The following C8orf34 variants were observed in gnomAD, a reference collection of about 807,000 sequenced individuals.
C8orf34 encodes chromosome 8 open reading frame 34, also known as uncharacterized protein C8orf34.
C8orf34 carries 65 observed loss-of-function variants against 68.3 expected under a neutral mutation model. The observed-to-expected ratio is 0.95, with a 90% CI of 0.78 to 1.17. The LOEUF (loss-of-function observed/expected upper bound fraction) is 1.17. Among genes scored for constraint, C8orf34 ranks in the 50% most tolerant of loss-of-function variants. The pLI is 0.00. For missense variants in C8orf34, 664 were observed against 655.4 expected (o/e 1.01, Z -0.14); for synonymous variants, 244 against 241.2 (o/e 1.01, Z -0.11).
chr8:68,394,930 G>T (rs1029165033), intron 1 of C8orf34, among the ~76,000 whole-genome samples: 2 of 152,056 alleles, frequency 1.3e-5, no homozygotes, highest in Non-Finnish European at 2.9e-5. Context: ...ATACCTTGTA[G>T]AGTGCTAGTG....
chr8:68,527,358 G>A lies in C8orf34; in HGVS notation c.938+5387G>A, dbSNP rs192293849. ...GAGGCCGAGGCGGGCGGATCACAAGGTCAGGAGGTCGAAACCATCCTGGCT... is the reference window on the plus strand; with the variant it reads ...GAGGCCGAGGCGGGCGGATCACAAGATCAGGAGGTCGAAACCATCCTGGCT... On this transcript the variant is annotated intron_variant, in intron 6 of 13. Transcript: ENST00000518698. Among the ~76,000 whole-genome samples, 747 of 152,302 alleles carry A rather than the reference G, an allele frequency of 4.9e-3. 11 individuals carry two copies. The highest frequency in any genetic ancestry group is 7.5e-3 in the Non-Finnish European group (510 of 68,032).
At chr8:68,816,579 C>G (rs1449683685) in intron 13 of C8orf34, among the ~76,000 whole-genome samples, 1 of 152,098 alleles carries the variant, frequency 6.6e-6, no homozygotes, top group Non-Finnish European at 1.5e-5. Context: ...CTGCAATACC[C>G]CTACCAAATG....
intron 1 of C8orf34, among the ~76,000 whole-genome samples, chr8:68,392,798 C>A (rs1224514182): frequency 6.6e-6 from 1 of 152,014 alleles, no homozygotes; most frequent in Non-Finnish European, 1.5e-5. Context: ...TTTCTTCTTT[C>A]ATAGGTTATT....
intron 1 of C8orf34, among the ~76,000 whole-genome samples, chr8:68,358,075 A>G (rs993369077): frequency 6.6e-6 from 1 of 152,138 alleles, no homozygotes; most frequent in Non-Finnish European, 1.5e-5. Context: ...AAATGCCTTA[A>G]ATTCTTTCTG....
At chr8:68,569,280 T>C (rs546652398) in intron 7 of C8orf34, among the ~76,000 whole-genome samples, 2 of 152,350 alleles carry the variant, frequency 1.3e-5, no homozygotes, top group African/African-American at 4.8e-5. Context: ...ACCACGCACG[T>C]GGTGGGAGCT....
chr8:68,741,005 C>T (rs952697763), intron 10 of C8orf34, among the ~76,000 whole-genome samples: 4 of 151,848 alleles, frequency 2.6e-5, no homozygotes, highest in African/African-American at 9.7e-5. Context: ...TGTGTGTTCT[C>T]ACTTATAAAT....
intron 7 of C8orf34, among the ~76,000 whole-genome samples, chr8:68,598,629 C>T (rs183139597): frequency 1.3e-5 from 2 of 152,026 alleles, no homozygotes; most frequent in South Asian, 2.1e-4. Flanking sequence ...CTAAGAAGAC[C>T]GTTCGTTGAA....
intron 8 of C8orf34, among the ~76,000 whole-genome samples, chr8:68,675,279 A>G (rs748142406): frequency 6.6e-6 from 1 of 152,190 alleles, no homozygotes; most frequent in South Asian, 2.1e-4. Context: ...ATATTATAAT[A>G]CTGTAATGGT....
chr8:68,516,345 G>A (rs1814512326), intron 5 of C8orf34, among the ~76,000 whole-genome samples: 1 of 152,134 alleles, frequency 6.6e-6, no homozygotes, highest in African/African-American at 2.4e-5. Context: ...TTTATTATGA[G>A]GGGAGCAAAG....
At chr8:68,471,720 CA>C (rs1812385336) in intron 4 of C8orf34, among the ~76,000 whole-genome samples, 1 of 151,922 alleles carries the variant, frequency 6.6e-6, no homozygotes, top group Non-Finnish European at 1.5e-5. Context: ...ATCATTGATG[CA>C]AAAGGCTGAA....
Position 68,572,052 on chromosome 8 carries a change from G to A in C8orf34, c.1105+38903G>A, listed in dbSNP as rs150535447. Among the ~76,000 whole-genome samples, 1,390 of 152,172 alleles carry A rather than the reference G, an allele frequency of 9.1e-3. 26 individuals carry two copies. The highest frequency in any genetic ancestry group is 0.032 in the African/African-American group (1,312 of 41,506). On this transcript the variant is annotated intron_variant, in intron 7 of 13. Coordinates refer to ENST00000518698, the MANE Select transcript of C8orf34 (RefSeq NM_052958.4). ...TCTAGGCTACAGACTTGCATAGCAC[G>A]TTACCATGCTGAATACCATAGACAA...
At chr8:68,501,601 T>G (rs1255665422) in intron 5 of C8orf34, among the ~76,000 whole-genome samples, 1 of 152,180 alleles carries the variant, frequency 6.6e-6, no homozygotes, top group Non-Finnish European at 1.5e-5. Flanking sequence ...GGAATTTTCC[T>G]GGATATAGGT....
At chr8:68,463,741 A>G (rs1013264874) in intron 3 of C8orf34, among the ~76,000 whole-genome samples, 6 of 152,172 alleles carry the variant, frequency 3.9e-5, no homozygotes, top group African/African-American at 1.4e-4. Flanking sequence ...AAATTCAACA[A>G]CGCTTCATGC....
At chr8:68,524,775 C>T (rs2129718528) in intron 6 of C8orf34, among the ~76,000 whole-genome samples, 1 of 152,218 alleles carries the variant, frequency 6.6e-6, no homozygotes, top group South Asian at 2.1e-4. Context: ...TTTAATAAGC[C>T]TATATACTCT....
At chr8:68,529,576 T>C (rs1208674531) in intron 6 of C8orf34, among the ~76,000 whole-genome samples, 1 of 152,204 alleles carries the variant, frequency 6.6e-6, no homozygotes, top group African/African-American at 2.4e-5. Context: ...ACTGAAGTAT[T>C]TGATAACAGG....
rs189783521 is a variant in C8orf34 at position 68,484,639 on chromosome 8, T to A, written c.737-3384T>A. On this transcript the variant is annotated intron_variant, in intron 4 of 13. Transcript: ENST00000518698. The stretch of plus-strand genomic sequence containing the variant: ...AAAATGCCTAAAAGTTGTTAATCTC[T>A]TCTCAGGGAATAGCTGTGGATATTC... 1.8e-3 allele frequency among the ~76,000 whole-genome samples: 269 copies of A among 152,338 alleles called. 4 individuals carry two copies. The highest frequency in any genetic ancestry group is 0.012 in the Admixed American group (177 of 15,296).
At chr8:68,365,923 A>C (rs1807225943) in intron 1 of C8orf34, among the ~76,000 whole-genome samples, 1 of 34,138 alleles carries the variant, frequency 2.9e-5, no homozygotes, top group Admixed American at 2.9e-4. Flanking sequence ...AAGGAAATAA[A>C]GGGTATTCAA....
chr8:68,732,545 A>G (rs993401655), intron 10 of C8orf34, among the ~76,000 whole-genome samples: 10 of 152,216 alleles, frequency 6.6e-5, no homozygotes, highest in African/African-American at 2.4e-4. Context: ...ATTGTGGCAA[A>G]TAATTTTTAG....
intron 1 of C8orf34, among the ~76,000 whole-genome samples, chr8:68,432,124 G>A (rs1810475672): frequency 6.6e-6 from 1 of 151,704 alleles, no homozygotes; most frequent in South Asian, 2.1e-4. Flanking sequence ...TGTTGGTGAG[G>A]GTCAGATGTG....
Sources: allele counts gnomAD v4.1 joint callset (sites outside exome capture counted in the v4.1 genomes callset), GRCh38; gene constraint gnomAD v4.1.1; transcripts MANE v1.5; gene names NCBI Gene and HGNC (gene_info 2026-07-23, HGNC 2026-07-21).